SYNE1: variants seen among roughly 807,000 people sequenced by gnomAD.
SYNE1 encodes nesprin-1.
SYNE1 carries 616 observed loss-of-function variants against 1,111.0 expected under a neutral mutation model. The ratio of observed to expected loss-of-function variants is 0.55; its 90% CI spans 0.52 to 0.59. The LOEUF (loss-of-function observed/expected upper bound fraction) is 0.59. Among genes scored for constraint, SYNE1 ranks in the 20% least tolerant of loss-of-function variants. The pLI is 0.00. For synonymous variants in SYNE1, 3,855 were observed against 3,825.8 expected (o/e 1.01, Z -0.28); for missense variants, 10,006 against 10,417.0 (o/e 0.96, Z 1.72).
chr6:152,369,094 G>A lies in SYNE1; in HGVS notation c.9685C>T (p.Gln3229Ter), dbSNP rs2097134592. The A allele has an allele frequency of 1.2e-6, 2 of 1,613,984 alleles. No homozygotes were observed. The highest frequency in any genetic ancestry group is 1.1e-5 in the South Asian group (1 of 91,084). ...GCTTTCTCTTTCAGCCTGTTGAGCT[G>A]AGGCTCGTAGCAGTGTATTTCCTCA... ...VLEEIHCYEP[Q>*]LNRLKEKAQQ... Residue 3229 changes from glutamine (Q) to a stop codon, truncating the protein, a stop_gained, in exon 61 of 146, where the codon CAG becomes TAG. Transcript: ENST00000367255. LOFTEE classifies it high-confidence loss of function.
chr6:152,179,281 G>A (rs1442548942), intron 129 of SYNE1: 1 of 151,900 alleles, frequency 6.6e-6, no homozygotes, highest in Non-Finnish European at 1.5e-5. Flanking sequence ...GAAATGTTTT[G>A]GATCCAAATG....
rs746767141 is a variant in SYNE1 at position 152,318,258 on chromosome 6, C to G, written c.16395G>C (p.Leu5465=). Residue 5465 remains leucine, a synonymous_variant, in exon 86 of 146, where the codon CTG becomes CTC. Transcript: ENST00000367255. Reference sequence around the variant, plus strand: ...AATTACAGCCATCTAATTCCTCTCCCAGCACCTTGATGGTCACCAAAATGA... The same window carrying G: ...AATTACAGCCATCTAATTCCTCTCCGAGCACCTTGATGGTCACCAAAATGA... ...VVQAKTDQKV[L]GEELDGCNSK... 1 of 1,614,170 alleles carries G rather than the reference C, an allele frequency of 6.2e-7. No individual in the cohort carries two copies. The highest frequency in any genetic ancestry group is 8.5e-7 in the Non-Finnish European group (1 of 1,180,022).
intron 119 of SYNE1, among the ~76,000 whole-genome samples, chr6:152,219,665 A>G (rs1020853398): frequency 6.6e-6 from 1 of 152,174 alleles, no homozygotes; most frequent in African/African-American, 2.4e-5. Context: ...GGTGTCTTCT[A>G]TATGTGTGGT....
intron 30 of SYNE1, among the ~76,000 whole-genome samples, chr6:152,443,559 C>T (rs987241652): frequency 9.2e-5 from 14 of 152,148 alleles, no homozygotes; most frequent in Admixed American, 2.0e-4. Context: ...CCACCGTGCC[C>T]GGCCTATACT....
At chr6:152,326,149 T>G in intron 79 of SYNE1, 47 bp from the exon 80 acceptor site, 1 of 1,614,074 alleles carries the variant, frequency 6.2e-7, no homozygotes, top group Non-Finnish European at 8.5e-7. Context: ...AAATCACGTA[T>G]TTCTACACGA....
intron 95 of SYNE1, among the ~76,000 whole-genome samples, chr6:152,284,610 ATTTTTTTTTTTTTT>A (rs760978831): frequency 1.8e-5 from 2 of 108,150 alleles, no homozygotes; most frequent in African/African-American, 3.6e-5. Context: ...ACACCTGGTA[ATTTTTTTTTTTTTT>A]TTTTTTTTTT....
Position 152,401,037 on chromosome 6 carries a change from G to A in SYNE1, c.7029+101C>T, listed in dbSNP as rs1330142842. ...AATAAGTTGGTCTGGTGTTCATATG[G>A]GTAACTGAGAGCAGAGGTTATATTT... On this transcript the variant is annotated intron_variant, in intron 47 of 145. Coordinates refer to ENST00000367255, the MANE Select transcript of SYNE1 (RefSeq NM_182961.4). 11 of 1,183,376 alleles carry A rather than the reference G, an allele frequency of 9.3e-6. No individual in the cohort carries two copies. The East Asian group carries it at 2.7e-4, about 29-fold the overall frequency. 73.3% of individuals were successfully genotyped at this position (1,183,376 alleles called of 1,614,324 possible). A position where few individuals can be genotyped will look rare whatever the true frequency, so the allele number is the denominator to read the frequency against.
Position 152,381,378 on chromosome 6 carries a change from A to G in SYNE1, c.8653-16T>C. On this transcript the variant is annotated splice_polypyrimidine_tract_variant and intron_variant, in intron 55 of 145. Transcript: ENST00000367255. Reference sequence around the variant, plus strand: ...CTATCAGCTCCTGTAATGGAATATCACCATGGTAACTGAAGAGCCTGTGAG... The same window carrying G: ...CTATCAGCTCCTGTAATGGAATATCGCCATGGTAACTGAAGAGCCTGTGAG... The G allele has an allele frequency of 3.1e-6, 5 of 1,610,654 alleles. No individual in the cohort carries two copies. Among genetic ancestry groups the G allele is most frequent in the Non-Finnish European group, 4.2e-6 (5 of 1,178,916 alleles).
In SYNE1 at chr6:152,139,933, A is replaced by G; in HGVS notation, c.25458+17T>C. The G allele has an allele frequency of 6.2e-7, 1 of 1,612,600 alleles. No homozygotes were observed. The highest frequency in any genetic ancestry group is 8.5e-7 in the Non-Finnish European group (1 of 1,179,930). ...GCTCTCTGTTTGTCCGCCGTGGGAA[A>G]GGCAAGGGGCAGCTACCTTGAGCTT... On this transcript the variant is annotated intron_variant, in intron 140 of 145. Transcript: ENST00000367255.
At chr6:152,319,780 T>C (rs2095826736) in intron 84 of SYNE1, 1 of 152,094 alleles carries the variant, frequency 6.6e-6, no homozygotes, top group African/African-American at 2.4e-5. Context: ...TCAAAGTAAA[T>C]GAAATACATA....
chr6:152,303,240 G>T (rs2095263498), intron 91 of SYNE1, among the ~76,000 whole-genome samples: 1 of 151,004 alleles, frequency 6.6e-6, no homozygotes, highest in South Asian at 2.1e-4. Flanking sequence ...GATCACTTGA[G>T]ATCAGGAGTT....
chr6:152,342,710 G>A (rs957034761), intron 74 of SYNE1, among the ~76,000 whole-genome samples: 3 of 151,950 alleles, frequency 2.0e-5, no homozygotes, highest in African/African-American at 4.8e-5. Flanking sequence ...ATTTTCCCAC[G>A]GAGTCAACAC....
intron 67 of SYNE1, among the ~76,000 whole-genome samples, chr6:152,354,168 T>A (rs1160770194): frequency 6.6e-6 from 1 of 152,096 alleles, no homozygotes; most frequent in Admixed American, 6.6e-5. Context: ...TAAATAAACA[T>A]GAAAACAAAG....
chr6:152,508,125 A>C (rs57214725), intron 8 of SYNE1, among the ~76,000 whole-genome samples: 1 of 152,350 alleles, frequency 6.6e-6, no homozygotes, highest in African/African-American at 2.4e-5. Flanking sequence ...TTAGATAATA[A>C]GTTGCTTGAA....
chr6:152,603,892 G>A (rs990034575), intron 3 of SYNE1, among the ~76,000 whole-genome samples: 1 of 128,032 alleles, frequency 7.8e-6, no homozygotes, highest in African/African-American at 3.0e-5. Flanking sequence ...ATACATGCAT[G>A]TATAGATAGA....
chr6:152,285,860 T>A (rs2094297497), intron 95 of SYNE1, among the ~76,000 whole-genome samples: 2 of 152,230 alleles, frequency 1.3e-5, no homozygotes, highest in African/African-American at 4.8e-5. Flanking sequence ...GCTCTTTAGA[T>A]GGAATCTTCA....
At chr6:152,634,276 A>C (rs1279512783) in intron 2 of SYNE1, among the ~76,000 whole-genome samples, 1 of 152,224 alleles carries the variant, frequency 6.6e-6, no homozygotes, top group African/African-American at 2.4e-5. Flanking sequence ...TGAGAACATA[A>C]ACACATAAAC....
chr6:152,349,349 T>C (rs142380638), intron 72 of SYNE1, among the ~76,000 whole-genome samples: 1 of 152,372 alleles, frequency 6.6e-6, no homozygotes, highest in African/African-American at 2.4e-5. Flanking sequence ...TTACAAAATG[T>C]CTTCACAAAT....
At chr6:152,394,315 GA>G (rs2097696666) in intron 51 of SYNE1, among the ~76,000 whole-genome samples, 1 of 152,182 alleles carries the variant, frequency 6.6e-6, no homozygotes, top group Admixed American at 6.5e-5. Context: ...ATAGTAGAAT[GA>G]TTTCTAATAT....
Sources: allele counts gnomAD v4.1 joint callset (sites outside exome capture counted in the v4.1 genomes callset), GRCh38; gene constraint gnomAD v4.1.1; transcripts MANE v1.5; gene names NCBI Gene and HGNC (gene_info 2026-07-23, HGNC 2026-07-21).